The following HRH2 variants were observed in gnomAD, a reference collection of about 807,000 sequenced individuals.
HRH2 encodes the protein histamine receptor H2, also known as histamine H2 receptor.
HRH2 carries 4 observed loss-of-function variants against 20.1 expected under a neutral mutation model. The observed-to-expected ratio is 0.20, with a 90% CI of 0.10 to 0.45. The LOEUF (loss-of-function observed/expected upper bound fraction) is 0.45, where lower values mean the gene tolerates loss of function less well. Among genes scored for constraint, HRH2 ranks in the 20% least tolerant of loss-of-function variants. The pLI, the probability that HRH2 is intolerant of heterozygous loss-of-function variation, is 0.99. For synonymous variants in HRH2, 197 were observed against 200.7 expected, an observed-to-expected ratio of 0.98 and a Z score of 0.16; for missense variants, 250 against 461.6, an observed-to-expected ratio of 0.54 and a Z score of 4.20.
At chr5:175,672,402 G>A (rs887052111) in intron 1 of HRH2, among the ~76,000 whole-genome samples, 43 of 152,128 alleles carry the variant, frequency 2.8e-4, no homozygotes, top group Non-Finnish European at 5.4e-4. Context: ...CCTCTGCCAC[G>A]CTCGCCAGCC....
At chr5:175,692,665 A>G (rs1439609531) in intron 2 of HRH2, among the ~76,000 whole-genome samples, 1 of 152,076 alleles carries the variant, frequency 6.6e-6, no homozygotes, top group Non-Finnish European at 1.5e-5. Flanking sequence ...GGCTCTGTGG[A>G]TTTATGTCTC....
chr5:175,676,044 C>T (rs1036696607), intron 1 of HRH2, among the ~76,000 whole-genome samples: 4 of 152,198 alleles, frequency 2.6e-5, no homozygotes, highest in Non-Finnish European at 5.9e-5. Context: ...CACTCAGCAT[C>T]GGCACACTTT....
At chr5:175,696,978 AT>A (rs1756613708) in intron 2 of HRH2, among the ~76,000 whole-genome samples, 1 of 152,198 alleles carries the variant, frequency 6.6e-6, no homozygotes, top group African/African-American at 2.4e-5. Flanking sequence ...AGGTGGCAGG[AT>A]CCCGGTCTCC....
chr5:175,703,210 G>A (rs918834404), intron 2 of HRH2, among the ~76,000 whole-genome samples: 4 of 152,198 alleles, frequency 2.6e-5, no homozygotes, highest in Non-Finnish European at 5.9e-5. Flanking sequence ...TAAGAAGTAT[G>A]TATCAGCATA....
At chr5:175,669,556 G>T (rs966026017) in intron 1 of HRH2, among the ~76,000 whole-genome samples, 2 of 151,882 alleles carry the variant, frequency 1.3e-5, no homozygotes, top group Non-Finnish European at 2.9e-5. Flanking sequence ...TAGAGATGGG[G>T]TTTCACTATG....
intron 2 of HRH2, among the ~76,000 whole-genome samples, chr5:175,705,471 T>C (rs763591760): frequency 6.6e-6 from 1 of 152,226 alleles, no homozygotes; most frequent in Non-Finnish European, 1.5e-5. Flanking sequence ...AGTCTATTCA[T>C]ACAATGAAAT....
chr5:175,668,800 C>A (rs1442142445), intron 1 of HRH2, among the ~76,000 whole-genome samples: 1 of 152,058 alleles, frequency 6.6e-6, no homozygotes, highest in Non-Finnish European at 1.5e-5. Flanking sequence ...TAGGGAAGGG[C>A]AGCAAGGTCA....
rs889075169 is a variant in HRH2, at chr5:175,710,379, C to T, written c.*2408C>T. On this transcript the variant is annotated 3_prime_UTR_variant, in exon 3 of 3. Coordinates refer to ENST00000636584, the MANE Select transcript of HRH2 (RefSeq NM_001367711.1). Reference sequence around the variant, plus strand: ...TAAAGGCATGATTTGCCCTGGTGATCCCCCCAGAGGTGCTTAGTCTCTTGG... The same window carrying T: ...TAAAGGCATGATTTGCCCTGGTGATTCCCCCAGAGGTGCTTAGTCTCTTGG... 2.6e-5 allele frequency: 4 copies of T among 152,270 alleles called. No homozygotes were observed. The highest frequency in any genetic ancestry group is 4.8e-5 in the African/African-American group (2 of 41,462). The allele number at this position is 152,270 out of a possible 1,614,324, so 9.4% of individuals were successfully genotyped here.
intron 1 of HRH2, among the ~76,000 whole-genome samples, chr5:175,667,017 C>CATATATATATATAT (rs143167989): frequency 6.7e-5 from 10 of 150,300 alleles, no homozygotes; most frequent in African/African-American, 2.5e-4. Context: ...CAAATAAAGG[C>CATATATATATATAT]ATATATATAT....
intron 2 of HRH2, among the ~76,000 whole-genome samples, chr5:175,698,294 G>A (rs895616481): frequency 1.3e-5 from 2 of 152,114 alleles, no homozygotes; most frequent in Non-Finnish European, 2.9e-5. Flanking sequence ...GTGCCGTTTC[G>A]CCTAATCCAT....
chr5:175,672,012 C>T (rs928211251), intron 1 of HRH2, among the ~76,000 whole-genome samples: 10 of 152,126 alleles, frequency 6.6e-5, no homozygotes, highest in Admixed American at 5.9e-4. Context: ...TGTTTCCACC[C>T]AGAGCTCTCC....
At chr5:175,667,440 G>A (rs1439213594) in intron 1 of HRH2, among the ~76,000 whole-genome samples, 6 of 147,236 alleles carry the variant, frequency 4.1e-5, no homozygotes, top group Non-Finnish European at 7.5e-5. Flanking sequence ...GCAAAACTCC[G>A]TCCCTCCCCC....
At position 175,683,932 on chromosome 5, in the gene HRH2, A is replaced by G; in HGVS notation, c.699A>G (p.Thr233=). 6.2e-7 allele frequency: 1 copy of G among 1,614,186 alleles called. No individual in the cohort carries two copies. ...CCACCATCAGGGAGCACAAAGCCACAGTGACACTGGCCGCCGTCATGGGGG... is the reference window on the plus strand; with the variant it reads ...CCACCATCAGGGAGCACAAAGCCACGGTGACACTGGCCGCCGTCATGGGGG... The part of the protein sequence containing the change: ...KAATIREHKA[T]VTLAAVMGAF... The change falls in exon 2 of 3, where the codon ACA becomes ACG. Residue 233 remains threonine, a synonymous_variant. Transcript: ENST00000636584.
At chr5:175,682,516 C>G (rs1338115841) in intron 1 of HRH2, among the ~76,000 whole-genome samples, 193 bp from the exon 2 acceptor site, 2 of 152,126 alleles carry the variant, frequency 1.3e-5, no homozygotes, top group Non-Finnish European at 2.9e-5. Context: ...CCCCTTGCAT[C>G]CTGCCTCCCT....
At chr5:175,664,570 G>T (rs1762831466) in intron 1 of HRH2, among the ~76,000 whole-genome samples, 1 of 152,172 alleles carries the variant, frequency 6.6e-6, no homozygotes, top group African/African-American at 2.4e-5. Flanking sequence ...AGGCAGTAGA[G>T]GAATCAGCGG....
chr5:175,680,651 A>G (rs1755931613), intron 1 of HRH2, among the ~76,000 whole-genome samples: 1 of 152,244 alleles, frequency 6.6e-6, no homozygotes, highest in African/African-American at 2.4e-5. Flanking sequence ...GTTGCTCCAT[A>G]AGGGGATGAC....
chr5:175,692,637 G>T (rs1561736103), intron 2 of HRH2, among the ~76,000 whole-genome samples: 1 of 152,216 alleles, frequency 6.6e-6, no homozygotes, highest in Non-Finnish European at 1.5e-5. Context: ...CCAAGGAGCA[G>T]CTGGAAAGTT....
In HRH2 at chr5:175,683,886, A is replaced by C; in HGVS notation, c.653A>C (p.His218Pro). 6.2e-7 allele frequency: 1 copy of C among 1,614,136 alleles called. No individual in the cohort carries two copies. The highest frequency in any genetic ancestry group is 2.2e-5 in the East Asian group (1 of 44,872). ...CGGGATCAGGCCAAGAGGATCAATC[A>C]CATTAGCTCCTGGAAGGCAGCCACC... is the stretch of plus-strand genomic sequence containing the variant. The part of the protein sequence containing the change: ...VARDQAKRIN[H>P]ISSWKAATIR... Residue 218 changes from histidine (H) to proline (P), a missense_variant, in exon 2 of 3, where the codon CAC becomes CCC. By Grantham distance (77) the His-to-Pro change is moderately conservative. This residue lies in a region of HRH2 where 58 missense variants were observed against 166.8 expected (regional missense o/e 0.35). Coordinates refer to ENST00000636584, the MANE Select transcript of HRH2 (RefSeq NM_001367711.1).
At chr5:175,702,701 G>A (rs141311106) in intron 2 of HRH2, among the ~76,000 whole-genome samples, 4,466 of 148,838 alleles carry the variant, frequency 0.03, 102 homozygotes, top group Non-Finnish European at 0.049. Flanking sequence ...GCAGGCACCC[G>A]CCACCACGCC....
Sources: gnomAD v4.1 joint callset for allele counts (sites outside exome capture counted in the v4.1 genomes callset) on GRCh38, gnomAD v4.1.1 for gene constraint, gnomAD v4.1.1 regional missense constraint, MANE v1.5 for transcripts, NCBI Gene and HGNC (gene_info 2026-07-23, HGNC 2026-07-21) for gene names.